Variants in ESRRG observed in about 807,000 individuals in gnomAD.
ESRRG encodes estrogen-related receptor gamma.
ESRRG carries 13 observed loss-of-function variants against 44.0 expected under a neutral mutation model. The ratio of observed to expected loss-of-function variants is 0.30; its 90% CI spans 0.19 to 0.47. ESRRG has a LOEUF of 0.47. Ranked by LOEUF, ESRRG falls within the 20% of genes least tolerant of loss-of-function variation. The pLI, the probability that ESRRG is intolerant of heterozygous loss-of-function variation, is 1.00. For synonymous variants in ESRRG, 215 were observed against 214.6 expected, an observed-to-expected ratio of 1.00 and a Z score of -0.02; for missense variants, 395 against 580.6, an observed-to-expected ratio of 0.68 and a Z score of 3.29.
intron 1 of ESRRG, among the ~76,000 whole-genome samples, chr1:217,119,172 C>T (rs890931999): frequency 6.6e-6 from 1 of 152,180 alleles, no homozygotes; most frequent in Admixed American, 6.5e-5. Flanking sequence ...ATTAAAATAG[C>T]ACCATTCATT....
chr1:217,133,775 T>C (rs903111200), intron 1 of ESRRG, among the ~76,000 whole-genome samples: 3 of 151,830 alleles, frequency 2.0e-5, no homozygotes, highest in Non-Finnish European at 4.4e-5. Context: ...TTTCCTTCCC[T>C]TCCCATTAGG....
chr1:216,663,015 G>A (rs1054136908), intron 2 of ESRRG, among the ~76,000 whole-genome samples: 7 of 152,178 alleles, frequency 4.6e-5, no homozygotes, highest in Non-Finnish European at 8.8e-5. Context: ...TCTTGCTCAC[G>A]ACTCTGTAAG....
At chr1:217,113,625 G>A (rs1267375579) in intron 1 of ESRRG, among the ~76,000 whole-genome samples, 6 of 152,064 alleles carry the variant, frequency 3.9e-5, no homozygotes, top group Non-Finnish European at 8.8e-5. Context: ...GGGAAGAATC[G>A]AAATAGTTTG....
chr1:217,135,735 A>G (rs1209364477), intron 1 of ESRRG, among the ~76,000 whole-genome samples: 1 of 151,768 alleles, frequency 6.6e-6, no homozygotes, highest in Non-Finnish European at 1.5e-5. Flanking sequence ...GCAGAAATAA[A>G]ACAAAACAAA....
chr1:216,521,295 C>T (rs1166134601), intron 5 of ESRRG, among the ~76,000 whole-genome samples: 1 of 152,068 alleles, frequency 6.6e-6, no homozygotes, highest in Admixed American at 6.6e-5. Context: ...GCTCCAGATG[C>T]TTTTAATTTT....
chr1:216,517,001 A>T (rs570299941), intron 6 of ESRRG, among the ~76,000 whole-genome samples: 2 of 152,158 alleles, frequency 1.3e-5, no homozygotes, highest in Non-Finnish European at 1.5e-5. Context: ...CAATTTGGAG[A>T]TTAAAATAGT....
intron 2 of ESRRG, among the ~76,000 whole-genome samples, chr1:216,870,292 T>C (rs1201542530): frequency 6.6e-6 from 1 of 151,496 alleles, no homozygotes; most frequent in Admixed American, 6.6e-5. Context: ...TTGATTGATA[T>C]CTAATATCGA....
chr1:216,657,339 T>C (rs189989246), intron 2 of ESRRG, among the ~76,000 whole-genome samples: 1 of 152,342 alleles, frequency 6.6e-6, no homozygotes, highest in Non-Finnish European at 1.5e-5. Context: ...TTTAAATAAG[T>C]TGTGTAGGAA....
chr1:216,737,516 T>G (rs374643483), intron 2 of ESRRG, among the ~76,000 whole-genome samples: 4 of 152,180 alleles, frequency 2.6e-5, no homozygotes, highest in Non-Finnish European at 5.9e-5. Flanking sequence ...CATCAGGAGT[T>G]TTGAAGGCTC....
chr1:217,127,227 G>A (rs1192184133), intron 1 of ESRRG, among the ~76,000 whole-genome samples: 2 of 152,130 alleles, frequency 1.3e-5, no homozygotes, highest in African/African-American at 4.8e-5. Flanking sequence ...CTAAACTTGT[G>A]CCACAATGTT....
At chr1:217,053,980 T>C (rs2086612812) in intron 1 of ESRRG, among the ~76,000 whole-genome samples, 1 of 151,864 alleles carries the variant, frequency 6.6e-6, no homozygotes, top group South Asian at 2.1e-4. Flanking sequence ...GTGGCGTTCT[T>C]TACAAAGCTG....
At chr1:216,985,530 T>C (rs1008729745) in intron 1 of ESRRG, among the ~76,000 whole-genome samples, 1 of 152,218 alleles carries the variant, frequency 6.6e-6, no homozygotes, top group Non-Finnish European at 1.5e-5. Context: ...ATCTTTGATG[T>C]TAATGGTATG....
intron 2 of ESRRG, chr1:216,862,525 T>C (rs1423443885): frequency 6.6e-6 from 1 of 152,104 alleles, no homozygotes; most frequent in Non-Finnish European, 1.5e-5. Flanking sequence ...AATAAACACA[T>C]CGTAGCTTAT....
intron 2 of ESRRG, among the ~76,000 whole-genome samples, chr1:216,786,920 G>T (rs1315901322): frequency 6.6e-6 from 1 of 152,008 alleles, no homozygotes; most frequent in Non-Finnish European, 1.5e-5. Flanking sequence ...TTTTAGTACG[G>T]GCATACCTTG....
At chr1:216,760,177 G>A (rs1408259495) in intron 2 of ESRRG, among the ~76,000 whole-genome samples, 3 of 151,920 alleles carry the variant, frequency 2.0e-5, no homozygotes, top group African/African-American at 4.8e-5. Context: ...CAGAGGTGGT[G>A]CCCAATAAAT....
At chr1:216,902,236 C>G (rs956424280) in intron 2 of ESRRG, among the ~76,000 whole-genome samples, 2 of 152,196 alleles carry the variant, frequency 1.3e-5, no homozygotes, top group African/African-American at 4.8e-5. Context: ...CGCCTGTAAT[C>G]CCAGCACTTT....
intron 2 of ESRRG, among the ~76,000 whole-genome samples, chr1:216,869,738 T>C (rs1470121324): frequency 6.6e-6 from 1 of 152,072 alleles, no homozygotes; most frequent in East Asian, 1.9e-4. Context: ...CATCCATATT[T>C]GTAGTTTTCA....
intron 3 of ESRRG, among the ~76,000 whole-genome samples, chr1:216,614,747 C>A (rs530749464): frequency 6.6e-6 from 1 of 152,298 alleles, no homozygotes; most frequent in Non-Finnish European, 1.5e-5. Context: ...TGTCTCTTGG[C>A]TAAATCCTTA....
intron 1 of ESRRG, among the ~76,000 whole-genome samples, chr1:217,101,678 C>A (rs2092514273): frequency 6.6e-6 from 1 of 152,208 alleles, no homozygotes; most frequent in African/African-American, 2.4e-5. Context: ...CATCAGCAAA[C>A]ACACACACCC....
Sources: gnomAD v4.1 joint callset for allele counts (sites outside exome capture counted in the v4.1 genomes callset) on GRCh38, gnomAD v4.1.1 for gene constraint, MANE v1.5 for transcripts, NCBI Gene and HGNC (gene_info 2026-07-23, HGNC 2026-07-21) for gene names.